The following ASIC2 variants were observed in gnomAD, a reference collection of about 807,000 sequenced individuals.
ASIC2 encodes acid sensing ion channel subunit 2, also known as acid-sensing ion channel 2.
ASIC2 carries 25 observed loss-of-function variants against 57.3 expected under a neutral mutation model. The observed-to-expected ratio is 0.44, with a 90% confidence interval of 0.32 to 0.61. ASIC2 has a LOEUF of 0.61. ASIC2 is among the 20% of genes least tolerant of loss of function. The pLI, the probability that ASIC2 is intolerant of heterozygous loss-of-function variation, is 0.06. For missense variants in ASIC2, 641 were observed against 738.1 expected (o/e 0.87, Z 1.52); for synonymous variants, 319 against 307.5 (o/e 1.04, Z -0.39).
intron 1 of ASIC2, among the ~76,000 whole-genome samples, chr17:34,143,703 T>A (rs980766343): frequency 6.6e-6 from 1 of 152,146 alleles, no homozygotes; most frequent in African/African-American, 2.4e-5. Context: ...GGCGTCAAAC[T>A]TGTGAATGAA....
At chr17:33,802,401 T>C (rs1214695987) in intron 1 of ASIC2, among the ~76,000 whole-genome samples, 1 of 152,218 alleles carries the variant, frequency 6.6e-6, no homozygotes, top group Non-Finnish European at 1.5e-5. Context: ...AACGTATTTC[T>C]GTTGTTAAGC....
At chr17:33,892,283 A>G (rs1439008403) in intron 1 of ASIC2, among the ~76,000 whole-genome samples, 1 of 152,218 alleles carries the variant, frequency 6.6e-6, no homozygotes, top group Non-Finnish European at 1.5e-5. Context: ...ATATTAGGTA[A>G]GGCGGGAAGA....
chr17:33,279,156 A>C (rs982310864), intron 1 of ASIC2, among the ~76,000 whole-genome samples: 1 of 152,190 alleles, frequency 6.6e-6, no homozygotes, highest in Non-Finnish European at 1.5e-5. Flanking sequence ...GTGGCTAAAA[A>C]TATTCGGGTC....
rs765370394 is a variant in ASIC2 at position 33,448,402 on chromosome 17, G to C, written c.556-336335C>G. 2.5e-3 allele frequency among the ~76,000 whole-genome samples: 383 copies of C among 152,274 alleles called. 1 individual carries two copies. Among genetic ancestry groups the C allele is most frequent in the Non-Finnish European group, 4.4e-3 (302 of 68,030 alleles). ...TATATGGGAAAGATTTTGCATATATGAATAAATTAAGGATCTCGAGATAAG... is the reference window on the plus strand; with the variant it reads ...TATATGGGAAAGATTTTGCATATATCAATAAATTAAGGATCTCGAGATAAG... On this transcript the variant is annotated intron_variant, in intron 1 of 9. Transcript: ENST00000359872.
intron 1 of ASIC2, among the ~76,000 whole-genome samples, chr17:33,797,846 A>G (rs949903289): frequency 1.3e-5 from 2 of 152,144 alleles, no homozygotes; most frequent in Non-Finnish European, 2.9e-5. Context: ...GGGTTTCTCA[A>G]TCACACCTGA....
intron 3 of ASIC2, among the ~76,000 whole-genome samples, chr17:33,059,242 T>C (rs901202985): frequency 6.6e-5 from 10 of 152,164 alleles, no homozygotes; most frequent in Admixed American, 1.3e-4. Flanking sequence ...ATGTGCCATG[T>C]TGGTGTGCTG....
rs146683351 is a variant in ASIC2 at position 33,699,081 on chromosome 17, G to A, written c.555+456897C>T. Among the ~76,000 whole-genome samples the A allele has an allele frequency of 1.5e-4, 23 of 152,232 alleles. No individual in the cohort carries two copies. In the East Asian group the frequency reaches 4.4e-3, roughly 29 times the overall value. ...AATGAAACTCATAAATGTATTCCTG[G>A]TAGAGAAGGAACAACTGGTTTCTTA... On this transcript the variant is annotated intron_variant, in intron 1 of 9. Transcript: ENST00000359872.
chr17:33,318,520 C>T (rs1906744396), intron 1 of ASIC2, among the ~76,000 whole-genome samples: 1 of 152,236 alleles, frequency 6.6e-6, no homozygotes, highest in African/African-American at 2.4e-5. Flanking sequence ...CACAATTGCA[C>T]AGCCAAATAG....
At chr17:33,504,352 T>C (rs1343806450) in intron 1 of ASIC2, among the ~76,000 whole-genome samples, 1 of 152,210 alleles carries the variant, frequency 6.6e-6, no homozygotes, top group African/African-American at 2.4e-5. Flanking sequence ...TTTTTTGTTG[T>C]TGTTGAGATG....
chr17:33,805,646 G>A (rs77262877), intron 1 of ASIC2, among the ~76,000 whole-genome samples: 1 of 152,270 alleles, frequency 6.6e-6, no homozygotes, highest in African/African-American at 2.4e-5. Context: ...ACTGAATCAT[G>A]GAATATTAAA....
intron 1 of ASIC2, among the ~76,000 whole-genome samples, chr17:34,025,088 C>G (rs1907325681): frequency 6.6e-6 from 1 of 152,170 alleles, no homozygotes; most frequent in South Asian, 2.1e-4. Flanking sequence ...CAACACTGCT[C>G]AGGGGAAATC....
chr17:33,353,612 A>G (rs753200305), intron 1 of ASIC2, among the ~76,000 whole-genome samples: 1 of 152,192 alleles, frequency 6.6e-6, no homozygotes, highest in Non-Finnish European at 1.5e-5. Context: ...TTTTGGAATT[A>G]CAAGCGTGAG....
chr17:33,754,031 C>G (rs920997979), intron 1 of ASIC2, among the ~76,000 whole-genome samples: 1 of 152,116 alleles, frequency 6.6e-6, no homozygotes, highest in African/African-American at 2.4e-5. Context: ...GCACCTAAAA[C>G]TGCTCTAAAA....
chr17:33,991,439 A>G (rs1473349943), intron 1 of ASIC2, among the ~76,000 whole-genome samples: 1 of 152,110 alleles, frequency 6.6e-6, no homozygotes, highest in Non-Finnish European at 1.5e-5. Flanking sequence ...GATTCCCCCA[A>G]TCTATCCTGC....
chr17:33,659,111 C>T (rs1410229994), intron 1 of ASIC2, among the ~76,000 whole-genome samples: 2 of 152,244 alleles, frequency 1.3e-5, no homozygotes, highest in African/African-American at 4.8e-5. Context: ...ACTCAGACCA[C>T]AGCAGCACGC....
chr17:33,490,719 A>G (rs1013710166), intron 1 of ASIC2, among the ~76,000 whole-genome samples: 14 of 152,202 alleles, frequency 9.2e-5, no homozygotes, highest in African/African-American at 3.4e-4. Context: ...TCTTTCCTTT[A>G]TAAATTACCC....
intron 1 of ASIC2, among the ~76,000 whole-genome samples, chr17:33,999,164 A>G (rs1362318319): frequency 6.6e-6 from 1 of 152,124 alleles, no homozygotes; most frequent in African/African-American, 2.4e-5. Flanking sequence ...ATTTTGTCCG[A>G]TATAAGCAGA....
At chr17:33,851,973 C>T (rs1032211749) in intron 1 of ASIC2, among the ~76,000 whole-genome samples, 17 of 152,194 alleles carry the variant, frequency 1.1e-4, no homozygotes, top group African/African-American at 4.1e-4. Context: ...CCCCAAGGCT[C>T]AGAAGAAAGG....
At chr17:34,132,858 C>G (rs1598042256) in intron 1 of ASIC2, among the ~76,000 whole-genome samples, 1 of 152,274 alleles carries the variant, frequency 6.6e-6, no homozygotes, top group Non-Finnish European at 1.5e-5. Context: ...CTTCAACCAT[C>G]CATCCTGGAA....
Sources: allele counts gnomAD v4.1 joint callset (sites outside exome capture counted in the v4.1 genomes callset), GRCh38; gene constraint gnomAD v4.1.1; transcripts MANE v1.5; gene names NCBI Gene and HGNC (gene_info 2026-07-23, HGNC 2026-07-21).